The following KIAA1217 variants were observed in gnomAD, a reference collection of about 807,000 sequenced individuals.
KIAA1217 encodes sickle tail protein homolog.
A neutral mutation model predicts 163.9 loss-of-function variants in KIAA1217; 88 were observed. The observed-to-expected ratio is 0.54, with a 90% CI of 0.45 to 0.64. The LOEUF is 0.64. Ranked by LOEUF, KIAA1217 falls within the 30% of genes least tolerant of loss-of-function variation. KIAA1217 has a pLI of 0.00. For synonymous variants in KIAA1217, 903 were observed against 923.1 expected, an observed-to-expected ratio of 0.98 and a Z score of 0.39; for missense variants, 2,372 against 2,475.0, an observed-to-expected ratio of 0.96 and a Z score of 0.88.
At chr10:24,305,023 T>A (rs1041431075) in intron 2 of KIAA1217, among the ~76,000 whole-genome samples, 2 of 151,940 alleles carry the variant, frequency 1.3e-5, no homozygotes, top group Admixed American at 1.3e-4. Flanking sequence ...AAATGGGAGG[T>A]GAGGGAGCCT....
intron 5 of KIAA1217, among the ~76,000 whole-genome samples, chr10:24,441,625 G>A (rs2060502799): frequency 6.6e-6 from 1 of 152,080 alleles, no homozygotes; most frequent in Non-Finnish European, 1.5e-5. Flanking sequence ...AAGGAGACTT[G>A]TGGTTCTCGG....
intron 2 of KIAA1217, among the ~76,000 whole-genome samples, chr10:24,317,155 A>G (rs2043494925): frequency 6.6e-6 from 1 of 152,200 alleles, no homozygotes; most frequent in Non-Finnish European, 1.5e-5. Flanking sequence ...CCAAAACTGT[A>G]TATGAGAGCA....
At chr10:24,054,092 G>A (rs1849710962) in intron 2 of KIAA1217, among the ~76,000 whole-genome samples, 1 of 152,208 alleles carries the variant, frequency 6.6e-6, no homozygotes, top group African/African-American at 2.4e-5. Flanking sequence ...AAGGCCATGA[G>A]AGATGAAGGC....
chr10:24,223,028 A>G (rs1375600796), intron 2 of KIAA1217, among the ~76,000 whole-genome samples: 1 of 152,130 alleles, frequency 6.6e-6, no homozygotes, highest in African/African-American at 2.4e-5. Context: ...TGTAGCAGTG[A>G]GGACCACCAG....
intron 1 of KIAA1217, among the ~76,000 whole-genome samples, chr10:23,737,435 T>G (rs775557060): frequency 2.2e-4 from 33 of 151,966 alleles, no homozygotes; most frequent in Non-Finnish European, 4.0e-4. Context: ...CCTAGTGATC[T>G]GCCCACCTCA....
At chr10:23,900,647 T>C (rs1315095934) in intron 1 of KIAA1217, among the ~76,000 whole-genome samples, 1 of 152,144 alleles carries the variant, frequency 6.6e-6, no homozygotes, top group Non-Finnish European at 1.5e-5. Context: ...TGTGGTCTAT[T>C]ACCCTTGGAA....
intron 1 of KIAA1217, among the ~76,000 whole-genome samples, chr10:23,858,892 C>T (rs1839829701): frequency 6.6e-6 from 1 of 152,192 alleles, no homozygotes; most frequent in South Asian, 2.1e-4. Flanking sequence ...ACTGTACAAT[C>T]TCAAAATCGT....
intron 1 of KIAA1217, among the ~76,000 whole-genome samples, chr10:23,920,367 C>G (rs184807160): frequency 1.3e-5 from 2 of 152,198 alleles, no homozygotes; most frequent in Non-Finnish European, 2.9e-5. Context: ...TTGGTAAGGT[C>G]GCTGACTGGC....
chr10:24,493,683 C>T (rs570048599), intron 6 of KIAA1217, among the ~76,000 whole-genome samples: 72 of 152,276 alleles, frequency 4.7e-4, no homozygotes, highest in African/African-American at 1.7e-3. Flanking sequence ...TAGGGATATT[C>T]GTGTTCCTGC....
intron 5 of KIAA1217, among the ~76,000 whole-genome samples, chr10:24,442,364 T>A (rs2060567289): frequency 6.6e-6 from 1 of 152,200 alleles, no homozygotes; most frequent in African/African-American, 2.4e-5. Flanking sequence ...GTTTTGTTTT[T>A]TTAAATTTAC....
chr10:24,186,134 T>C (rs1308532027), intron 2 of KIAA1217, among the ~76,000 whole-genome samples: 4 of 152,216 alleles, frequency 2.6e-5, no homozygotes, highest in Non-Finnish European at 4.4e-5. Context: ...TATGGTTGTC[T>C]TATTTTTAGT....
intron 1 of KIAA1217, among the ~76,000 whole-genome samples, chr10:23,767,901 CT>C (rs1834613426): frequency 6.6e-6 from 1 of 152,184 alleles, no homozygotes; most frequent in Non-Finnish European, 1.5e-5. Flanking sequence ...GTAGGGCTTT[CT>C]CCTTTCCCCC....
chr10:23,898,874 C>G (rs1396468122), intron 1 of KIAA1217, among the ~76,000 whole-genome samples: 1 of 152,020 alleles, frequency 6.6e-6, no homozygotes, highest in Non-Finnish European at 1.5e-5. Flanking sequence ...GCATAATATT[C>G]TCTAGATTCA....
At chr10:24,344,219 A>G (rs2047447999) in intron 2 of KIAA1217, among the ~76,000 whole-genome samples, 1 of 152,250 alleles carries the variant, frequency 6.6e-6, no homozygotes, top group Admixed American at 6.5e-5. Flanking sequence ...TAAAAATAGC[A>G]TCTAGAAGGA....
chr10:23,950,883 C>T (rs181402551), intron 1 of KIAA1217, among the ~76,000 whole-genome samples: 58 of 152,248 alleles, frequency 3.8e-4, no homozygotes, highest in South Asian at 6.2e-4. Context: ...TACTCTAGAA[C>T]AAGGCCTAGC....
upstream of KIAA1217, chr10:24,208,980 C>G (rs2067734465): frequency 1.9e-6 from 1 of 532,698 alleles, no homozygotes; most frequent in Non-Finnish European, 3.4e-6. Flanking sequence ...GACGGAGGGC[C>G]AGGGGCAGGG....
chr10:24,116,427 C>T (rs1424011703), intron 2 of KIAA1217, among the ~76,000 whole-genome samples: 1 of 152,036 alleles, frequency 6.6e-6, no homozygotes, highest in Non-Finnish European at 1.5e-5. Context: ...GCAACTCTGC[C>T]GTTGTGGCAG....
At chr10:23,767,013 G>T (rs146634372) in intron 1 of KIAA1217, among the ~76,000 whole-genome samples, 1 of 152,260 alleles carries the variant, frequency 6.6e-6, no homozygotes, top group East Asian at 1.9e-4. Flanking sequence ...TACCTCCAAA[G>T]GACCTTTTGG....
chr10:23,755,702 G>C (rs1169880233), intron 1 of KIAA1217, among the ~76,000 whole-genome samples: 1 of 152,140 alleles, frequency 6.6e-6, no homozygotes, highest in African/African-American at 2.4e-5. Flanking sequence ...AATGTCAATA[G>C]TCAAAATAAG....
Sources: gnomAD v4.1 joint callset for allele counts (sites outside exome capture counted in the v4.1 genomes callset) on GRCh38, gnomAD v4.1.1 for gene constraint, MANE v1.5 for transcripts, NCBI Gene and HGNC (gene_info 2026-07-23, HGNC 2026-07-21) for gene names.